WDR72: variants seen among roughly 807,000 people sequenced by gnomAD.
The protein encoded by WDR72 is WD repeat-containing protein 72.
Under a neutral mutation model 124.2 loss-of-function variants are expected in WDR72, and 120 were observed. The observed-to-expected ratio is 0.97, with a 90% confidence interval of 0.83 to 1.12. The LOEUF is 1.12. WDR72 is among the 50% of genes most tolerant of loss of function. The probability of loss-of-function intolerance (pLI) is 0.00; values close to 1 mark genes in which losing one functional copy is unlikely to be tolerated. For missense variants in WDR72, 1,387 were observed against 1,278.8 expected (o/e 1.08, Z -1.29); for synonymous variants, 452 against 441.7 (o/e 1.02, Z -0.29).
At chr15:53,742,796 G>A (rs908826447) in intron 1 of WDR72, among the ~76,000 whole-genome samples, 18 of 151,870 alleles carry the variant, frequency 1.2e-4, no homozygotes, top group African/African-American at 3.9e-4. Context: ...GTAAATACTT[G>A]GTAAATACAA....
chr15:53,703,317 T>A (rs1159272627), intron 11 of WDR72, among the ~76,000 whole-genome samples: 3 of 152,182 alleles, frequency 2.0e-5, no homozygotes, highest in Non-Finnish European at 2.9e-5. Flanking sequence ...TAATTCTACC[T>A]CTTGGCTTTA....
intron 18 of WDR72, among the ~76,000 whole-genome samples, chr15:53,549,317 G>A (rs1445272164): frequency 1.3e-5 from 2 of 152,086 alleles, no homozygotes; most frequent in African/African-American, 4.8e-5. Flanking sequence ...AGCAGCTAGG[G>A]GACACTGGAC....
Position 53,663,406 on chromosome 15 carries a change from G to A in WDR72, c.1962+2166C>T, listed in dbSNP as rs572371436. 2.6e-5 allele frequency among the ~76,000 whole-genome samples: 4 copies of A among 152,108 alleles called. No individual in the cohort carries two copies. In the East Asian group the frequency reaches 5.8e-4, roughly 22 times the overall value. ...AAGCAAGAAAATAAAGTTGAAATCA[G>A]CCTATAAGTAGGAAAACAAGACTCT... On this transcript the variant is annotated intron_variant, in intron 14 of 19. Transcript: ENST00000360509.
intron 18 of WDR72, among the ~76,000 whole-genome samples, chr15:53,567,027 T>A (rs915263174): frequency 6.6e-6 from 1 of 151,874 alleles, no homozygotes; most frequent in African/African-American, 2.4e-5. Flanking sequence ...ACCGTTGCAG[T>A]CCCAGGAGAG....
chr15:53,658,793 G>A (rs2015514010), intron 14 of WDR72, among the ~76,000 whole-genome samples: 1 of 152,084 alleles, frequency 6.6e-6, no homozygotes, highest in Non-Finnish European at 1.5e-5. Flanking sequence ...TTTATCACAA[G>A]TCTTAATTTG....
Position 53,722,794 on chromosome 15 carries a change from A to G in WDR72, c.260+8T>C. The G allele has an allele frequency of 6.2e-7, 1 of 1,612,314 alleles. No homozygotes were observed. The highest frequency in any genetic ancestry group is 8.5e-7 in the Non-Finnish European group (1 of 1,178,776). On this transcript the variant is annotated splice_region_variant and intron_variant, in intron 3 of 19. Transcript: ENST00000360509. ...GAGAAGGGGACAAAGTTTACATACC[A>G]TACCTACCCATTTTCAGCAGCACTA...
intron 18 of WDR72, among the ~76,000 whole-genome samples, chr15:53,593,057 G>A (rs955454800): frequency 1.3e-5 from 2 of 152,014 alleles, no homozygotes; most frequent in African/African-American, 4.8e-5. Flanking sequence ...AAAATTACAG[G>A]TTTAAATATA....
intron 18 of WDR72, among the ~76,000 whole-genome samples, chr15:53,546,682 C>G (rs74788957): frequency 6.6e-6 from 1 of 151,668 alleles, no homozygotes. Context: ...AAAAAAAGAA[C>G]AAAGAAAGAA....
intron 13 of WDR72, among the ~76,000 whole-genome samples, chr15:53,698,317 G>T (rs1047814813): frequency 2.0e-5 from 3 of 152,162 alleles, no homozygotes; most frequent in African/African-American, 7.2e-5. Context: ...TGAAAAATAT[G>T]TTTAGTTACC....
intron 3 of WDR72, among the ~76,000 whole-genome samples, chr15:53,719,206 C>T (rs951287385): frequency 6.6e-6 from 1 of 152,114 alleles, no homozygotes; most frequent in Non-Finnish European, 1.5e-5. Flanking sequence ...GCTTGCTTTG[C>T]CATCTTGCAT....
rs886051291 is a variant in WDR72, at chr15:53,515,759, T to A, written c.*1940A>T. 3.3e-5 allele frequency: 5 copies of A among 152,178 alleles called. No individual in the cohort carries two copies. The highest frequency in any genetic ancestry group is 5.9e-5 in the Non-Finnish European group (4 of 68,026). 9.4% of individuals were successfully genotyped at this position (152,178 alleles called of 1,614,324 possible). A position where few individuals can be genotyped will look rare whatever the true frequency, so the allele number is the denominator to read the frequency against. On this transcript the variant is annotated 3_prime_UTR_variant, in exon 20 of 20. Coordinates refer to ENST00000360509, the MANE Select transcript of WDR72 (RefSeq NM_182758.4). ...ATTTATCAGAGATTCAATATTGGTT[T>A]CATTAGAACTGATAAATGCTAAGTA...
Position 53,517,603 on chromosome 15 carries a change from A to G in WDR72, c.*96T>C, listed in dbSNP as rs149722292. 7.5e-4 allele frequency: 982 copies of G among 1,309,360 alleles called. 9 individuals are homozygous for G. In the East Asian group the frequency reaches 9.7e-3, roughly 13 times the overall value. 81.1% of individuals were successfully genotyped at this position (1,309,360 alleles called of 1,614,324 possible). ...AAATCCACTACAGCCTAATAACTTG[A>G]CCAATAACAACAATGCTTTTATACA... On this transcript the variant is annotated 3_prime_UTR_variant, in exon 20 of 20. Transcript: ENST00000360509.
At chr15:53,672,647 A>G (rs553314858) in intron 13 of WDR72, among the ~76,000 whole-genome samples, 19 of 152,318 alleles carry the variant, frequency 1.2e-4, no homozygotes, top group African/African-American at 4.6e-4. Flanking sequence ...CAAGGCACAG[A>G]GTAAAGAGCA....
chr15:53,552,970 T>C (rs1893797071), intron 18 of WDR72, among the ~76,000 whole-genome samples: 2 of 152,058 alleles, frequency 1.3e-5, no homozygotes, highest in Admixed American at 6.6e-5. Context: ...GTTCAAATCA[T>C]AGCCAAGAAA....
At chr15:53,623,469 T>C (rs542353959) in intron 14 of WDR72, among the ~76,000 whole-genome samples, 1 of 150,648 alleles carries the variant, frequency 6.6e-6, no homozygotes, top group Non-Finnish European at 1.5e-5. Context: ...TATGGCTAAA[T>C]AGCATTATAT....
intron 18 of WDR72, among the ~76,000 whole-genome samples, chr15:53,594,827 A>C (rs1197642451): frequency 1.3e-5 from 2 of 148,586 alleles, no homozygotes; most frequent in Non-Finnish European, 3.0e-5. Context: ...AAGGCACTAC[A>C]TGCCACTGTA....
At chr15:53,624,067 T>C (rs986691834) in intron 14 of WDR72, among the ~76,000 whole-genome samples, 25 of 152,168 alleles carry the variant, frequency 1.6e-4, no homozygotes, top group Admixed American at 1.4e-3. Flanking sequence ...CTATAGATTC[T>C]GGCTATAAGA....
Position 53,705,125 on chromosome 15 carries a change from G to C in WDR72, c.1211C>G (p.Thr404Ser). The change falls in exon 11 of 20, where the codon ACT becomes AGT. Residue 404 changes from threonine (T) to serine (S), a missense_variant. By Grantham distance (58) the Thr-to-Ser change is moderately conservative (BLOSUM62 1). Coordinates refer to ENST00000360509, the MANE Select transcript of WDR72 (RefSeq NM_182758.4). The part of the protein sequence containing the change: ...YFSGLKDGAG[T>S]AVVTSSEYIP... ...ATACTCTGATGAAGTGACTACAGCA[G>C]TTCCTGCCCCATCTTTAAGCCCAGA... The C allele has an allele frequency of 6.2e-7, 1 of 1,614,120 alleles. No individual in the cohort carries two copies. Among genetic ancestry groups the C allele is most frequent in the Middle Eastern group, 1.7e-4 (1 of 6,060 alleles).
rs1490663736 is a variant in WDR72, at chr15:53,668,680, G to T, written c.1766-2912C>A. 4.6e-5 allele frequency among the ~76,000 whole-genome samples: 7 copies of T among 152,146 alleles called. No homozygotes were observed. In the East Asian group the frequency reaches 1.4e-3, roughly 29 times the overall value. ...GCACTTTGGGAGGGCGAGACGGGTG[G>T]ATCAGGTGAGTCCAGGAGTTCAAGA... On this transcript the variant is annotated intron_variant, in intron 13 of 19. Coordinates refer to ENST00000360509, the MANE Select transcript of WDR72 (RefSeq NM_182758.4).
Sources: gnomAD v4.1 joint callset for allele counts (sites outside exome capture counted in the v4.1 genomes callset) on GRCh38, gnomAD v4.1.1 for gene constraint, MANE v1.5 for transcripts, NCBI Gene and HGNC (gene_info 2026-07-23, HGNC 2026-07-21) for gene names.